Variants in OSBPL3 observed in about 807,000 individuals in gnomAD.
OSBPL3 encodes oxysterol-binding protein-related protein 3.
Under a neutral mutation model 120.1 loss-of-function variants are expected in OSBPL3, and 65 were observed. That is an observed-to-expected ratio of 0.54 (90% confidence interval 0.44 to 0.67). The LOEUF is 0.67. Ranked by LOEUF, OSBPL3 falls within the 30% of genes least tolerant of loss-of-function variation. The probability of loss-of-function intolerance (pLI) is 0.00; values close to 1 mark genes in which losing one functional copy is unlikely to be tolerated. For missense variants in OSBPL3, 1,004 were observed against 1,082.1 expected (o/e 0.93, Z 1.01); for synonymous variants, 416 against 402.6 (o/e 1.03, Z -0.40).
intron 5 of OSBPL3, 70 bp downstream of exon 5, chr7:24,870,662 A>G: frequency 1.0e-6 from 1 of 954,100 alleles, no homozygotes; most frequent in Non-Finnish European, 1.7e-6. Flanking sequence ...AAAAGGCATT[A>G]CCAATAGTAT....
chr7:24,965,116 C>T lies in OSBPL3; in HGVS notation c.-150+14770G>A, dbSNP rs1816224264. Among the ~76,000 whole-genome samples the T allele has an allele frequency of 6.6e-6, 1 of 152,126 alleles. No homozygotes were observed. The highest frequency in any genetic ancestry group is 2.4e-5 in the African/African-American group (1 of 41,412). On this transcript the variant is annotated intron_variant, in intron 1 of 22. Coordinates refer to ENST00000313367, the MANE Select transcript of OSBPL3 (RefSeq NM_015550.4). This position sits in a 1 kb window ranked among gnomAD's most constrained non-coding sequence, Gnocchi z 4.3. ...TCATTTATTCAACAATAAGTATGTG[C>T]TCTGTATTATGTCTTCAAAAAATAT...
Position 24,834,493 on chromosome 7 carries a change from T to C in OSBPL3, c.1739A>G (p.Glu580Gly). 2 of 1,609,882 alleles carry C rather than the reference T, an allele frequency of 1.2e-6. No individual in the cohort carries two copies. Among genetic ancestry groups the C allele is most frequent in the East Asian group, 4.5e-5 (2 of 44,828 alleles). ...GGAAGGCTGACTCCTCACCATCCTTTCCAGGGGGCTGGGAATCTGCGCGGC... is the reference window on the plus strand; with the variant it reads ...GGAAGGCTGACTCCTCACCATCCTTCCCAGGGGGCTGGGAATCTGCGCGGC... ...DKAAQIPSPL[E>G]RMVYVAAFAI... Residue 580 changes from glutamate (E) to glycine (G), a missense_variant, in exon 15 of 23, where the codon GAA becomes GGA. Physicochemically the swap from Glu to Gly is moderately conservative, Grantham distance 98. Coordinates refer to ENST00000313367, the MANE Select transcript of OSBPL3 (RefSeq NM_015550.4). The surrounding 1 kb of genome is among the most constrained non-coding windows in gnomAD (Gnocchi z 5.2).
intron 10 of OSBPL3, among the ~76,000 whole-genome samples, chr7:24,853,539 GGC>G (rs1349753766): frequency 2.0e-5 from 3 of 152,176 alleles, no homozygotes; most frequent in African/African-American, 7.2e-5. Flanking sequence ...TGACTCAAGG[GGC>G]AACATGGTAC....
rs750213031 is a variant in OSBPL3 at position 24,816,633 on chromosome 7, G to A, written c.2004C>T (p.Gly668=). The change falls in exon 18 of 23, where the codon GGC becomes GGT. Residue 668 remains glycine, a synonymous_variant. Transcript: ENST00000313367. ...ACACTGGCAGAGTCACATGGGTTGT[G>A]CCAATTGGAACAATTTCCATGGATT... The part of the protein sequence containing the change: ...WGKSMEIVPI[G]TTHVTLPVFG... The A allele has an allele frequency of 9.9e-6, 16 of 1,611,890 alleles. No homozygotes were observed. The highest frequency in any genetic ancestry group is 1.3e-5 in the Non-Finnish European group (15 of 1,178,104).
At position 24,959,347 on chromosome 7, in the gene OSBPL3, T is replaced by C. The variant is rs1815453618; in HGVS notation, c.-150+20539A>G. ...AAACAAATGTTTATCAATAGTAGAA[T>C]GGATAAATAAATTTTGGCATATTAA... On this transcript the variant is annotated intron_variant, in intron 1 of 22. Coordinates refer to ENST00000313367, the MANE Select transcript of OSBPL3 (RefSeq NM_015550.4). The surrounding 1 kb of genome is among the most constrained non-coding windows in gnomAD (Gnocchi z 4.3). Among the ~76,000 whole-genome samples, 1 of 151,858 alleles carries C rather than the reference T, an allele frequency of 6.6e-6. No individual in the cohort carries two copies. The highest frequency in any genetic ancestry group is 1.5e-5 in the Non-Finnish European group (1 of 67,940).
At chr7:24,928,953 A>G (rs1027248144) in intron 1 of OSBPL3, among the ~76,000 whole-genome samples, 2 of 152,198 alleles carry the variant, frequency 1.3e-5, no homozygotes, top group African/African-American at 2.4e-5. Context: ...TACTTGTTAC[A>G]ATCAAGCTGC....
chr7:24,943,432 C>T (rs982294370), intron 1 of OSBPL3, among the ~76,000 whole-genome samples: 3 of 152,084 alleles, frequency 2.0e-5, no homozygotes, highest in Admixed American at 6.5e-5. Flanking sequence ...TATTTCATTC[C>T]AATACAAAAA....
In OSBPL3 at chr7:24,898,888, T is replaced by C. The variant is rs751650575; in HGVS notation, c.-149-6267A>G. Among the ~76,000 whole-genome samples, 169 of 152,192 alleles carry C rather than the reference T, an allele frequency of 1.1e-3. No homozygotes were observed. Among genetic ancestry groups the C allele is most frequent in the Non-Finnish European group, 2.1e-3 (141 of 68,030 alleles). ...CCTGTGACAGAAACAAGGCACTTCA[T>C]TTCACCTTTTTAAAAATCTATTCTA... On this transcript the variant is annotated intron_variant, in intron 1 of 22. Transcript: ENST00000313367. The surrounding 1 kb of genome is among the most constrained non-coding windows in gnomAD (Gnocchi z 4.3).
Position 24,849,145 on chromosome 7 carries a change from C to T in OSBPL3, c.1190G>A (p.Arg397His), listed in dbSNP as rs1166361652. ...AGACTCGGCATGGATTCTGCGTAAG[C>T]GTTCTTTAAGATCTGTGTTTTGTGC... ...ALAQNTDLKE[R>H]LRRIHAESLL... Residue 397 changes from arginine to histidine, a missense_variant, in exon 12 of 23, where the codon CGC becomes CAC. This residue lies in a region of OSBPL3 where 272 missense variants were observed against 248.8 expected (regional missense o/e 1.09). Coordinates refer to ENST00000313367, the MANE Select transcript of OSBPL3 (RefSeq NM_015550.4). The surrounding 1 kb of genome is among the most constrained non-coding windows in gnomAD (Gnocchi z 5.4). 3 of 1,613,862 alleles carry T rather than the reference C, an allele frequency of 1.9e-6. No homozygotes were observed. Among genetic ancestry groups the T allele is most frequent in the Non-Finnish European group, 1.7e-6 (2 of 1,179,846 alleles).
rs150299801 is a variant in OSBPL3 at position 24,900,566 on chromosome 7, T to C, written c.-149-7945A>G. On this transcript the variant is annotated intron_variant, in intron 1 of 22. Coordinates refer to ENST00000313367, the MANE Select transcript of OSBPL3 (RefSeq NM_015550.4). This position sits in a 1 kb window ranked among gnomAD's most constrained non-coding sequence, Gnocchi z 4.5. ...AGATTTTGTCCCACTGCTTAGCTAC[T>C]CCTTAATCAAGGTATGGCAAGTACC... Among the ~76,000 whole-genome samples, 1 of 152,308 alleles carries C rather than the reference T, an allele frequency of 6.6e-6. No individual in the cohort carries two copies. The highest frequency in any genetic ancestry group is 2.4e-5 in the African/African-American group (1 of 41,584).
Position 24,861,765 on chromosome 7 carries a change from G to A in OSBPL3, c.875C>T (p.Pro292Leu), listed in dbSNP as rs767437995. The change falls in exon 10 of 23, where the codon CCG becomes CTG. Residue 292 changes from proline (P) to leucine (L), a missense_variant. Pro to Leu is a moderately conservative substitution (Grantham distance 98). Around this residue, in one of 4 missense-constraint regions of OSBPL3, gnomAD observed 272 missense variants for 248.8 expected, o/e 1.09. Coordinates refer to ENST00000313367, the MANE Select transcript of OSBPL3 (RefSeq NM_015550.4). Reference sequence around the variant, plus strand: ...TCTTACTGGGCCAGAAAAAGGTTTCGGGACCTGAAGTAACACCAAAGGGAG... The same window carrying A: ...TCTTACTGGGCCAGAAAAAGGTTTCAGGACCTGAAGTAACACCAAAGGGAG... ...GKDAKGTLQV[P>L]KPFSGPVRLH... 1.3e-5 allele frequency: 21 copies of A among 1,582,088 alleles called. No homozygotes were observed. The highest frequency in any genetic ancestry group is 1.7e-4 in the Middle Eastern group (1 of 5,900).
At chr7:24,973,850 A>T (rs1026067208) in intron 1 of OSBPL3, among the ~76,000 whole-genome samples, 2 of 152,208 alleles carry the variant, frequency 1.3e-5, no homozygotes, top group African/African-American at 4.8e-5. Context: ...TGATATTTCT[A>T]AACTTTTTAT....
At chr7:24,954,724 G>A (rs1814838912) in intron 1 of OSBPL3, among the ~76,000 whole-genome samples, 1 of 152,124 alleles carries the variant, frequency 6.6e-6, no homozygotes, top group Non-Finnish European at 1.5e-5. Flanking sequence ...CAAACAAAAA[G>A]TCGTTTTGCA....
chr7:24,908,540 T>C (rs1808292353), intron 1 of OSBPL3, among the ~76,000 whole-genome samples: 1 of 152,240 alleles, frequency 6.6e-6, no homozygotes, highest in Admixed American at 6.5e-5. Context: ...TCCCCAAGAC[T>C]GCTTCTTTAC....
chr7:24,890,503 C>G (rs1289722801), intron 2 of OSBPL3, among the ~76,000 whole-genome samples: 1 of 152,076 alleles, frequency 6.6e-6, no homozygotes, highest in African/African-American at 2.4e-5. Flanking sequence ...AGGTGGACCC[C>G]GTGGATGGAA....
chr7:24,884,486 C>T (rs2128317989), intron 2 of OSBPL3, among the ~76,000 whole-genome samples: 1 of 152,150 alleles, frequency 6.6e-6, no homozygotes, highest in South Asian at 2.1e-4. Flanking sequence ...TTCGAGTGTC[C>T]CATGCTGAGT....
chr7:24,963,771 G>A (rs2128521246), intron 1 of OSBPL3, among the ~76,000 whole-genome samples: 1 of 152,306 alleles, frequency 6.6e-6, no homozygotes, highest in South Asian at 2.1e-4. Context: ...AACATGTGAG[G>A]AGTGGAAACA....
intron 1 of OSBPL3, among the ~76,000 whole-genome samples, chr7:24,925,829 C>T (rs969317127): frequency 2.0e-5 from 3 of 152,222 alleles, no homozygotes; most frequent in African/African-American, 7.2e-5. Flanking sequence ...AGTCGGCTGG[C>T]TAGCTTTATT....
rs778109950 is a variant in OSBPL3 at position 24,803,491 on chromosome 7, A to T, written c.2567+824T>A. 1.3e-5 allele frequency among the ~76,000 whole-genome samples: 2 copies of T among 152,022 alleles called. No individual in the cohort carries two copies. Among genetic ancestry groups the T allele is most frequent in the Non-Finnish European group, 2.9e-5 (2 of 68,016 alleles). On this transcript the variant is annotated intron_variant, in intron 22 of 22. Coordinates refer to ENST00000313367, the MANE Select transcript of OSBPL3 (RefSeq NM_015550.4). The surrounding 1 kb of genome is among the most constrained non-coding windows in gnomAD (Gnocchi z 4.2). ...TCTCTCATACCTCCTTTAAAAATTT[A>T]TATCTATTGGCTGGGCACGGTGGCT...
Sources: allele counts gnomAD v4.1 joint callset (sites outside exome capture counted in the v4.1 genomes callset), GRCh38; gene constraint gnomAD v4.1.1; regional missense constraint gnomAD v4.1.1; non-coding constraint Gnocchi (gnomAD v3.1); transcripts MANE v1.5; gene names NCBI Gene and HGNC (gene_info 2026-07-23, HGNC 2026-07-21).